The following CTNNA3 variants were observed in gnomAD, a reference collection of about 807,000 sequenced individuals.
The protein encoded by CTNNA3 is catenin alpha-3.
Under a neutral mutation model 95.7 loss-of-function variants are expected in CTNNA3, and 76 were observed. The observed-to-expected ratio is 0.79, with a 90% CI of 0.66 to 0.96. The LOEUF is 0.96. Ranked by LOEUF, CTNNA3 falls within the 40% of genes least tolerant of loss-of-function variation. The pLI, the probability that CTNNA3 is intolerant of heterozygous loss-of-function variation, is 0.00. For synonymous variants in CTNNA3, 431 were observed against 374.4 expected (o/e 1.15, Z -1.74); for missense variants, 1,191 against 1,089.8 (o/e 1.09, Z -1.31).
intron 17 of CTNNA3, among the ~76,000 whole-genome samples, chr10:65,948,729 A>T (rs758139672): frequency 4.1e-4 from 63 of 152,186 alleles, no homozygotes; most frequent in Non-Finnish European, 2.5e-4. Flanking sequence ...AGGTTAGGAC[A>T]TTGTTACCAT....
chr10:66,267,105 G>A (rs1350965445), intron 13 of CTNNA3, among the ~76,000 whole-genome samples: 1 of 152,034 alleles, frequency 6.6e-6, no homozygotes, highest in African/African-American at 2.4e-5. Flanking sequence ...TGACTATGCT[G>A]CCATCCCAAC....
At chr10:67,762,925 C>T (rs1841470108) in intron 1 of CTNNA3, among the ~76,000 whole-genome samples, 1 of 152,076 alleles carries the variant, frequency 6.6e-6, no homozygotes, top group Non-Finnish European at 1.5e-5. Context: ...CCCTCTCACG[C>T]GGACCCCCTT....
At chr10:66,524,026 T>C (rs1841161637) in intron 10 of CTNNA3, among the ~76,000 whole-genome samples, 1 of 152,154 alleles carries the variant, frequency 6.6e-6, no homozygotes, top group South Asian at 2.1e-4. Context: ...TTAAGCTCCA[T>C]TTCCTTATCA....
At chr10:67,562,236 C>A (rs905920604) in intron 3 of CTNNA3, among the ~76,000 whole-genome samples, 1 of 152,094 alleles carries the variant, frequency 6.6e-6, no homozygotes, top group Non-Finnish European at 1.5e-5. Flanking sequence ...TACAAAAATC[C>A]TCAGTAAAAT....
intron 7 of CTNNA3, among the ~76,000 whole-genome samples, chr10:67,001,451 T>G: frequency 2.1e-5 from 3 of 145,404 alleles, no homozygotes; most frequent in African/African-American, 5.1e-5. Flanking sequence ...AAGACAGGGG[T>G]GGGGGACAGA....
At chr10:66,533,361 C>T (rs1002412091) in intron 10 of CTNNA3, among the ~76,000 whole-genome samples, 10 of 152,114 alleles carry the variant, frequency 6.6e-5, no homozygotes, top group South Asian at 2.1e-4. Context: ...TAGATTGTCA[C>T]GGTTGAGCAT....
intron 15 of CTNNA3, among the ~76,000 whole-genome samples, chr10:66,009,271 G>T (rs2078959334): frequency 6.6e-6 from 1 of 152,010 alleles, no homozygotes; most frequent in South Asian, 2.1e-4. Flanking sequence ...TTCTGTTTGG[G>T]CTTCCCTTTT....
chr10:67,406,237 T>G (rs1467881534), intron 5 of CTNNA3, among the ~76,000 whole-genome samples: 1 of 152,152 alleles, frequency 6.6e-6, no homozygotes, highest in Non-Finnish European at 1.5e-5. Context: ...TCTCTACAAA[T>G]TACCCAGCCT....
At chr10:66,458,086 A>G (rs890061429) in intron 11 of CTNNA3, among the ~76,000 whole-genome samples, 1 of 152,190 alleles carries the variant, frequency 6.6e-6, no homozygotes, top group Non-Finnish European at 1.5e-5. Flanking sequence ...GATGTTTATC[A>G]TAAGCCCAGA....
At chr10:67,313,541 A>C (rs1312233583) in intron 5 of CTNNA3, among the ~76,000 whole-genome samples, 3 of 152,210 alleles carry the variant, frequency 2.0e-5, no homozygotes, top group African/African-American at 7.2e-5. Context: ...TGTGACTCTA[A>C]TGAAGGCAAC....
chr10:67,275,773 G>A (rs77258928), intron 5 of CTNNA3, among the ~76,000 whole-genome samples: 3,581 of 152,114 alleles, frequency 0.024, 126 homozygotes, highest in African/African-American at 0.083. Context: ...ATATTCCTGA[G>A]CTCTCTCCTT....
intron 5 of CTNNA3, among the ~76,000 whole-genome samples, chr10:67,395,182 A>T (rs1201166382): frequency 1.2e-4 from 19 of 152,228 alleles, no homozygotes; most frequent in Admixed American, 1.2e-3. Context: ...TTATTCTCAA[A>T]AAAAGGAATC....
intron 11 of CTNNA3, among the ~76,000 whole-genome samples, chr10:66,470,111 C>A (rs888650102): frequency 1.3e-5 from 2 of 151,652 alleles, no homozygotes; most frequent in East Asian, 3.9e-4. Flanking sequence ...AAATCAGGAC[C>A]AGAGTAAGCT....
chr10:66,539,998 G>T (rs1841792393), intron 10 of CTNNA3, among the ~76,000 whole-genome samples: 1 of 151,982 alleles, frequency 6.6e-6, no homozygotes, highest in African/African-American at 2.4e-5. Context: ...TCAGAAAATG[G>T]ATTAACTCAT....
chr10:66,444,687 A>G (rs2093404656), intron 11 of CTNNA3, among the ~76,000 whole-genome samples: 1 of 152,186 alleles, frequency 6.6e-6, no homozygotes. Context: ...CTAAACATGG[A>G]AAGCAACAAC....
At chr10:66,780,534 C>A (rs1840491439) in intron 7 of CTNNA3, among the ~76,000 whole-genome samples, 1 of 152,114 alleles carries the variant, frequency 6.6e-6, no homozygotes, top group Admixed American at 6.6e-5. Flanking sequence ...CTGAAATTGT[C>A]ATTTCAAGGA....
intron 5 of CTNNA3, among the ~76,000 whole-genome samples, chr10:67,378,670 C>T (rs1416315931): frequency 6.6e-6 from 1 of 152,126 alleles, no homozygotes; most frequent in Non-Finnish European, 1.5e-5. Context: ...ACTGTCTGTT[C>T]CTGACTTATT....
At chr10:67,025,129 CA>C (rs1206262968) in intron 7 of CTNNA3, among the ~76,000 whole-genome samples, 2 of 25,368 alleles carry the variant, frequency 7.9e-5, no homozygotes, top group African/African-American at 1.3e-4. Context: ...AAAACTCTGT[CA>C]AAAACAAAAA....
At chr10:66,875,623 C>T (rs960843083) in intron 7 of CTNNA3, among the ~76,000 whole-genome samples, 1 of 145,396 alleles carries the variant, frequency 6.9e-6, no homozygotes, top group Non-Finnish European at 1.5e-5. Context: ...AATACGACAA[C>T]ATAATAAAAA....
Sources: allele counts gnomAD v4.1 joint callset (sites outside exome capture counted in the v4.1 genomes callset), GRCh38; gene constraint gnomAD v4.1.1; transcripts MANE v1.5; gene names NCBI Gene and HGNC (gene_info 2026-07-23, HGNC 2026-07-21).